Variants in FBXL7 observed in about 807,000 individuals in gnomAD.
FBXL7 encodes F-box/LRR-repeat protein 7.
In FBXL7, 12 loss-of-function variants were observed where a neutral mutation model predicts 38.3. The observed-to-expected ratio is 0.31, with a 90% CI of 0.20 to 0.51. The LOEUF is 0.51. Ranked by LOEUF, FBXL7 falls within the 20% of genes least tolerant of loss-of-function variation. The probability of loss-of-function intolerance (pLI) is 0.98; values close to 1 mark genes in which losing one functional copy is unlikely to be tolerated. For missense variants in FBXL7, 567 were observed against 676.4 expected, an observed-to-expected ratio of 0.84 and a Z score of 1.79; for synonymous variants, 297 against 300.9, an observed-to-expected ratio of 0.99 and a Z score of 0.13.
chr5:15,774,492 C>G (rs1027967495), intron 2 of FBXL7, among the ~76,000 whole-genome samples: 4 of 152,110 alleles, frequency 2.6e-5, no homozygotes, highest in African/African-American at 9.7e-5. Context: ...TTTCTGTTTT[C>G]CTGGCTATGG....
chr5:15,640,410 T>C (rs574300791), intron 2 of FBXL7, among the ~76,000 whole-genome samples: 5 of 152,290 alleles, frequency 3.3e-5, no homozygotes, highest in South Asian at 2.1e-4. Context: ...ACAGCAGTTA[T>C]AGAATTGAGG....
intron 2 of FBXL7, among the ~76,000 whole-genome samples, chr5:15,627,028 T>A (rs1740844648): frequency 6.6e-6 from 1 of 152,166 alleles, no homozygotes; most frequent in East Asian, 1.9e-4. Flanking sequence ...TTAAAGAATT[T>A]TCAAAAATAA....
chr5:15,641,938 A>T (rs1741378467), intron 2 of FBXL7, among the ~76,000 whole-genome samples: 2 of 117,524 alleles, frequency 1.7e-5, no homozygotes, highest in African/African-American at 3.5e-5. Context: ...TTAACATAAA[A>T]CCTTGTGTGT....
rs180682718 is a variant in FBXL7, at chr5:15,847,268, G to A, written c.128-80622G>A. Among the ~76,000 whole-genome samples the A allele has an allele frequency of 3.0e-3, 457 of 152,274 alleles. 3 individuals carry two copies. The highest frequency in any genetic ancestry group is 0.01 in the Middle Eastern group (3 of 294). On this transcript the variant is annotated intron_variant, in intron 2 of 3. Coordinates refer to ENST00000504595, the MANE Select transcript of FBXL7 (RefSeq NM_012304.5). ...AGGCCTCAGGAAACTTACAGTCATG[G>A]TGGAAGGGGAAGCAAACACATCCTT...
intron 2 of FBXL7, among the ~76,000 whole-genome samples, chr5:15,677,484 G>GAGAGAGAC (rs1742701500): frequency 6.6e-6 from 1 of 151,498 alleles, no homozygotes; most frequent in African/African-American, 2.4e-5. Context: ...AAGAGAGAGA[G>GAGAGAGAC]AGAGAGAAAG....
At chr5:15,512,554 T>G (rs772308801) in intron 1 of FBXL7, among the ~76,000 whole-genome samples, 2 of 152,228 alleles carry the variant, frequency 1.3e-5, no homozygotes, top group Non-Finnish European at 2.9e-5. Flanking sequence ...CATTTTACCC[T>G]CGTAAAAAGA....
chr5:15,598,038 C>T lies in FBXL7; in HGVS notation c.38-17945C>T, dbSNP rs531088998. Among the ~76,000 whole-genome samples the T allele has an allele frequency of 1.7e-4, 26 of 152,182 alleles. No homozygotes were observed. In the South Asian group the frequency reaches 3.1e-3, roughly 18 times the overall value. ...TGCAAACCTTAACTTAGGTTATGACCGCAATTTATATGATAAAAGGGCTGT... is the reference window on the plus strand; with the variant it reads ...TGCAAACCTTAACTTAGGTTATGACTGCAATTTATATGATAAAAGGGCTGT... On this transcript the variant is annotated intron_variant, in intron 1 of 3. Transcript: ENST00000504595.
Position 15,898,316 on chromosome 5 carries a change from C to A in FBXL7, c.128-29574C>A, listed in dbSNP as rs571994331. Among the ~76,000 whole-genome samples the A allele has an allele frequency of 2.0e-5, 3 of 152,272 alleles. No individual in the cohort carries two copies. The South Asian group carries it at 6.2e-4, about 32-fold the overall frequency. ...CTTCTCCCCAGCCACGTTCAAAATT[C>A]TGTTAATTTACTTGAAAACATGACG... On this transcript the variant is annotated intron_variant, in intron 2 of 3. Coordinates refer to ENST00000504595, the MANE Select transcript of FBXL7 (RefSeq NM_012304.5).
At chr5:15,884,512 C>T (rs558566948) in intron 2 of FBXL7, among the ~76,000 whole-genome samples, 11 of 152,180 alleles carry the variant, frequency 7.2e-5, no homozygotes, top group South Asian at 6.2e-4. Context: ...CCAAATTTAA[C>T]GAGAATTACT....
chr5:15,773,863 C>T (rs1382979379), intron 2 of FBXL7, among the ~76,000 whole-genome samples: 4 of 151,976 alleles, frequency 2.6e-5, no homozygotes, highest in Non-Finnish European at 4.4e-5. Flanking sequence ...CTGGATGCCC[C>T]GGTCAACTTA....
At chr5:15,933,691 C>G (rs948409138) in intron 3 of FBXL7, among the ~76,000 whole-genome samples, 1 of 152,136 alleles carries the variant, frequency 6.6e-6, no homozygotes, top group Non-Finnish European at 1.5e-5. Context: ...CTTAGTAGCA[C>G]GTGGTTTTTG....
chr5:15,885,939 T>A (rs1264941282), intron 2 of FBXL7, among the ~76,000 whole-genome samples: 1 of 152,124 alleles, frequency 6.6e-6, no homozygotes, highest in Non-Finnish European at 1.5e-5. Context: ...CAGGCTGGTC[T>A]TGAACGCCTC....
At chr5:15,747,037 G>C (rs1317987197) in intron 2 of FBXL7, among the ~76,000 whole-genome samples, 1 of 152,164 alleles carries the variant, frequency 6.6e-6, no homozygotes, top group Non-Finnish European at 1.5e-5. Flanking sequence ...GGATCATGCT[G>C]TTAGTCACAC....
At chr5:15,854,020 C>A (rs1739180842) in intron 2 of FBXL7, among the ~76,000 whole-genome samples, 1 of 152,152 alleles carries the variant, frequency 6.6e-6, no homozygotes, top group Non-Finnish European at 1.5e-5. Context: ...CTCTGCCAAG[C>A]CATTGGACTA....
chr5:15,500,386 G>T lies in FBXL7; in HGVS notation c.-291G>T, dbSNP rs1010730886. On this transcript the variant is annotated 5_prime_UTR_variant, in exon 1 of 4. Transcript: ENST00000504595. ...CGGCGGCGCGGTGAGCCTCTGGGCGGCCCCGGGGCGCGGGCTGTGCGCGGC... is the reference window on the plus strand; with the variant it reads ...CGGCGGCGCGGTGAGCCTCTGGGCGTCCCCGGGGCGCGGGCTGTGCGCGGC... 11 of 210,952 alleles carry T rather than the reference G, an allele frequency of 5.2e-5. 1 individual carries two copies. The South Asian group carries it at 6.3e-4, about 12-fold the overall frequency. The allele number at this position is 210,952 out of a possible 1,614,324, so 13.1% of individuals were successfully genotyped here. A position where few individuals can be genotyped will look rare whatever the true frequency, so the allele number is the denominator to read the frequency against.
chr5:15,507,777 C>T (rs1485636996), intron 1 of FBXL7, among the ~76,000 whole-genome samples: 1 of 152,134 alleles, frequency 6.6e-6, no homozygotes, highest in East Asian at 1.9e-4. Context: ...GGCATCATGG[C>T]TCACTCCTAT....
chr5:15,737,756 A>C (rs934220360), intron 2 of FBXL7, among the ~76,000 whole-genome samples: 1 of 152,302 alleles, frequency 6.6e-6, no homozygotes, highest in African/African-American at 2.4e-5. Context: ...CAAGTGCCCT[A>C]GTTCTCAATT....
At chr5:15,838,348 C>T (rs763238717) in intron 2 of FBXL7, among the ~76,000 whole-genome samples, 2 of 152,134 alleles carry the variant, frequency 1.3e-5, no homozygotes, top group Non-Finnish European at 2.9e-5. Context: ...GCCATCATCT[C>T]ATTGTGTCCT....
intron 2 of FBXL7, among the ~76,000 whole-genome samples, chr5:15,693,354 C>T (rs914533527): frequency 4.6e-5 from 7 of 152,144 alleles, no homozygotes; most frequent in Non-Finnish European, 7.4e-5. Context: ...CAAGCTCCCC[C>T]GGGTGCCTGG....
Sources: allele counts gnomAD v4.1 joint callset (sites outside exome capture counted in the v4.1 genomes callset), GRCh38; gene constraint gnomAD v4.1.1; transcripts MANE v1.5; gene names NCBI Gene and HGNC (gene_info 2026-07-23, HGNC 2026-07-21).